DOK6: variants seen among roughly 807,000 people sequenced by gnomAD.
DOK6 encodes the protein downstream of tyrosine kinase 6.
DOK6 carries 22 observed loss-of-function variants against 44.0 expected under a neutral mutation model. The observed-to-expected ratio is 0.50, with a 90% CI of 0.36 to 0.71. The LOEUF is 0.71. Ranked by LOEUF, DOK6 falls within the 30% of genes least tolerant of loss-of-function variation. DOK6 has a pLI of 0.00. For missense variants in DOK6, 340 were observed against 416.4 expected (o/e 0.82, Z 1.60); for synonymous variants, 166 against 145.5 (o/e 1.14, Z -1.01).
chr18:69,440,053 A>G (rs1487733410), intron 1 of DOK6, among the ~76,000 whole-genome samples: 2 of 152,170 alleles, frequency 1.3e-5, no homozygotes, highest in Non-Finnish European at 2.9e-5. Context: ...TTGAACACTT[A>G]GAGGCCATTG....
Position 69,544,242 on chromosome 18 carries a change from G to C in DOK6, c.67-20245G>C, listed in dbSNP as rs372887481. On this transcript the variant is annotated intron_variant, in intron 1 of 7. Coordinates refer to ENST00000382713, the MANE Select transcript of DOK6 (RefSeq NM_152721.6). Reference sequence around the variant, plus strand: ...CATTGCACTCCAGCCTGGGTGACAGGGCAAGACTCCATCTCAGAAAAACAA... The same window carrying C: ...CATTGCACTCCAGCCTGGGTGACAGCGCAAGACTCCATCTCAGAAAAACAA... 6.0e-3 allele frequency among the ~76,000 whole-genome samples: 912 copies of C among 151,168 alleles called. 31 individuals are homozygous for C. Among genetic ancestry groups the C allele is most frequent in the Middle Eastern group, 0.01 (3 of 294 alleles).
intron 1 of DOK6, among the ~76,000 whole-genome samples, chr18:69,423,477 C>G (rs562777700): frequency 1.3e-5 from 2 of 152,294 alleles, no homozygotes; most frequent in African/African-American, 4.8e-5. Context: ...ATAAGTTAAT[C>G]ACTTTTCCTC....
chr18:69,740,564 C>T (rs1392980781), intron 6 of DOK6, among the ~76,000 whole-genome samples: 1 of 152,164 alleles, frequency 6.6e-6, no homozygotes, highest in African/African-American at 2.4e-5. Context: ...AGAGCTCTTT[C>T]ACATACTGTA....
At chr18:69,663,959 C>T (rs1985592673) in intron 3 of DOK6, among the ~76,000 whole-genome samples, 1 of 152,100 alleles carries the variant, frequency 6.6e-6, no homozygotes, top group Admixed American at 6.6e-5. Flanking sequence ...TAAAAATACA[C>T]TCCTAATTTA....
chr18:69,532,409 T>C (rs890196305), intron 1 of DOK6, among the ~76,000 whole-genome samples: 4 of 152,230 alleles, frequency 2.6e-5, no homozygotes, highest in Admixed American at 2.0e-4. Context: ...TATTTTCTTA[T>C]TTTATAAAAA....
intron 1 of DOK6, among the ~76,000 whole-genome samples, chr18:69,432,364 T>C (rs1363734535): frequency 6.6e-6 from 1 of 152,062 alleles, no homozygotes; most frequent in Non-Finnish European, 1.5e-5. Flanking sequence ...GGATTGCTTG[T>C]ACCCAGGAGG....
chr18:69,692,758 TAAACTACAGCAGAATGAA>T (rs1474490865), intron 4 of DOK6, among the ~76,000 whole-genome samples: 4 of 152,210 alleles, frequency 2.6e-5, no homozygotes, highest in Non-Finnish European at 5.9e-5. Context: ...TAGATGGATA[TAAACTACAGCAGAATGAA>T]AAAATATGTA....
intron 5 of DOK6, among the ~76,000 whole-genome samples, chr18:69,729,750 C>A (rs1978345014): frequency 6.6e-6 from 1 of 152,100 alleles, no homozygotes; most frequent in African/African-American, 2.4e-5. Flanking sequence ...TGGATATATG[C>A]CCCCAAATGT....
rs564177054 is a variant in DOK6, at chr18:69,502,713, G to A, written c.67-61774G>A. 1.6e-4 allele frequency among the ~76,000 whole-genome samples: 24 copies of A among 152,070 alleles called. No homozygotes were observed. The South Asian group carries it at 4.4e-3, about 28-fold the overall frequency. The stretch of plus-strand genomic sequence containing the variant: ...ATCAGGAACCCCACACTTCAAAAGA[G>A]CATTCACATGTGCTTGACCTCGAGA... On this transcript the variant is annotated intron_variant, in intron 1 of 7. Coordinates refer to ENST00000382713, the MANE Select transcript of DOK6 (RefSeq NM_152721.6).
chr18:69,712,595 A>T (rs1304014502), intron 5 of DOK6, among the ~76,000 whole-genome samples: 3 of 152,186 alleles, frequency 2.0e-5, no homozygotes, highest in Non-Finnish European at 4.4e-5. Flanking sequence ...CTGTAATCCC[A>T]GCACTTTGGG....
rs1234300057 is a variant in DOK6, at chr18:69,726,358, A to T, written c.600-12607A>T. The stretch of plus-strand genomic sequence containing the variant: ...TTCCCATTCATCTTTTTGTTCTTTA[A>T]TCTTTTGTTTATTTGCTACTCTCTC... On this transcript the variant is annotated intron_variant, in intron 5 of 7. Coordinates refer to ENST00000382713, the MANE Select transcript of DOK6 (RefSeq NM_152721.6). Among the ~76,000 whole-genome samples the T allele has an allele frequency of 2.7e-5, 4 of 150,180 alleles. No individual in the cohort carries two copies. The East Asian group carries it at 7.7e-4, about 29-fold the overall frequency.
At chr18:69,497,110 C>T (rs149978162) in intron 1 of DOK6, among the ~76,000 whole-genome samples, 91 of 152,204 alleles carry the variant, frequency 6.0e-4, no homozygotes, top group Middle Eastern at 3.4e-3. Flanking sequence ...ATTGACCATC[C>T]ATGCCACAAA....
chr18:69,482,108 A>G (rs1368587667), intron 1 of DOK6, among the ~76,000 whole-genome samples: 7 of 152,120 alleles, frequency 4.6e-5, no homozygotes, highest in Non-Finnish European at 8.8e-5. Context: ...AGTTCATTTT[A>G]GATTCTGGGT....
chr18:69,804,366 C>T (rs1299965370), intron 7 of DOK6, among the ~76,000 whole-genome samples: 1 of 152,076 alleles, frequency 6.6e-6, no homozygotes, highest in East Asian at 1.9e-4. Flanking sequence ...AGAAAATCTC[C>T]TTTCAATTAT....
chr18:69,730,169 A>C (rs1011422631), intron 5 of DOK6, among the ~76,000 whole-genome samples: 14 of 152,228 alleles, frequency 9.2e-5, no homozygotes, highest in African/African-American at 3.1e-4. Context: ...CTGCTCTGAC[A>C]TCTGCAGGAT....
At chr18:69,573,472 TAG>T (rs1983166249) in intron 2 of DOK6, among the ~76,000 whole-genome samples, 1 of 151,984 alleles carries the variant, frequency 6.6e-6, no homozygotes, top group Non-Finnish European at 1.5e-5. Context: ...TTTCCTTTCA[TAG>T]CATTGGAAAG....
intron 5 of DOK6, among the ~76,000 whole-genome samples, chr18:69,728,779 GA>G (rs1331640362): frequency 2.6e-5 from 4 of 152,336 alleles, no homozygotes; most frequent in Admixed American, 6.5e-5. Context: ...AGCTGGTTCA[GA>G]GAGTGAAAGT....
chr18:69,812,261 C>G (rs1001554181), intron 7 of DOK6, among the ~76,000 whole-genome samples: 1 of 152,034 alleles, frequency 6.6e-6, no homozygotes, highest in Middle Eastern at 3.2e-3. Context: ...TTGGTTAACT[C>G]AATTCAATTG....
At chr18:69,607,337 ATTTTG>A (rs34945309) in intron 3 of DOK6, among the ~76,000 whole-genome samples, 58,432 of 151,864 alleles carry the variant, frequency 0.38, 11,178 homozygotes, top group Middle Eastern at 0.54. Context: ...ATCTGATATT[ATTTTG>A]TTTTAACATA....
Sources: allele counts gnomAD v4.1 joint callset (sites outside exome capture counted in the v4.1 genomes callset), GRCh38; gene constraint gnomAD v4.1.1; transcripts MANE v1.5; gene names NCBI Gene and HGNC (gene_info 2026-07-23, HGNC 2026-07-21).